The following BACE1 variants were observed in gnomAD, a reference collection of about 807,000 sequenced individuals.
BACE1 encodes APP beta-secretase.
BACE1 carries 21 observed loss-of-function variants against 54.0 expected under a neutral mutation model. That is an observed-to-expected ratio of 0.39 (90% confidence interval 0.28 to 0.56). The LOEUF (loss-of-function observed/expected upper bound fraction) is 0.56. Ranked by LOEUF, BACE1 falls within the 20% of genes least tolerant of loss-of-function variation. The pLI is 0.63. For missense variants in BACE1, 511 were observed against 661.2 expected, an observed-to-expected ratio of 0.77 and a Z score of 2.49; for synonymous variants, 232 against 260.9, an observed-to-expected ratio of 0.89 and a Z score of 1.07.
chr11:117,315,479 C>G lies in BACE1; in HGVS notation c.261+56G>C. The G allele has an allele frequency of 1.9e-6, 3 of 1,546,064 alleles. No homozygotes were observed. Among genetic ancestry groups the G allele is most frequent in the Non-Finnish European group, 2.6e-6 (3 of 1,153,298 alleles). Reference sequence around the variant, plus strand: ...GGGGCTAGCTTGAGGCATCCCCATCCTGTCTCCCCTCTGCTCATGCAGGCG... The same window carrying G: ...GGGGCTAGCTTGAGGCATCCCCATCGTGTCTCCCCTCTGCTCATGCAGGCG... On this transcript the variant is annotated intron_variant, in intron 1 of 8. Transcript: ENST00000313005. This position sits in a 1 kb window ranked among gnomAD's most constrained non-coding sequence, Gnocchi z 5.5.
rs2034333956 is a variant in BACE1 at position 117,288,850 on chromosome 11, C to T, written c.*716G>A. 6.6e-6 allele frequency: 1 copy of T among 152,222 alleles called. No individual in the cohort carries two copies. Among genetic ancestry groups the T allele is most frequent in the Non-Finnish European group, 1.5e-5 (1 of 68,064 alleles). The allele number at this position is 152,222 out of a possible 1,614,324, so 9.4% of individuals were successfully genotyped here. On this transcript the variant is annotated 3_prime_UTR_variant, in exon 9 of 9. Transcript: ENST00000313005. The stretch of plus-strand genomic sequence containing the variant: ...AGAAAAGAAAACATTGAAAACAACA[C>T]CCATCTTCTGAGATGGGATGCTATC...
chr11:117,313,814 G>C (rs1004229620), intron 1 of BACE1, among the ~76,000 whole-genome samples: 18 of 152,170 alleles, frequency 1.2e-4, no homozygotes, highest in African/African-American at 4.3e-4. Flanking sequence ...GGCCAGACAA[G>C]GATAAAGTGA....
intron 2 of BACE1, 32 bp from the exon 3 acceptor site, chr11:117,295,379 A>C (rs916178976): frequency 1.2e-6 from 2 of 1,603,962 alleles, no homozygotes; most frequent in East Asian, 2.2e-5. Context: ...CTGTGGATGC[A>C]TAACCACAAC....
chr11:117,297,200 G>A (rs1001451758), intron 1 of BACE1: 7 of 456,920 alleles, frequency 1.5e-5, no homozygotes, highest in Non-Finnish European at 2.7e-5. Context: ...CAGGTCTGCT[G>A]AAAAACCAAC....
At position 117,289,373 on chromosome 11, in the gene BACE1, T is replaced by C. The variant is rs989422104; in HGVS notation, c.*193A>G. 2 of 859,524 alleles carry C rather than the reference T, an allele frequency of 2.3e-6. No individual in the cohort carries two copies. The highest frequency in any genetic ancestry group is 3.4e-5 in the African/African-American group (2 of 58,868). 53.2% of individuals were successfully genotyped at this position (859,524 alleles called of 1,614,324 possible). On this transcript the variant is annotated 3_prime_UTR_variant, in exon 9 of 9. Transcript: ENST00000313005. The stretch of plus-strand genomic sequence containing the variant: ...GAGTGCTTCTTTCTTCTCTTTTCTG[T>C]TTCCTACAGGTACAGTCCCTGGAAC...
In BACE1 at chr11:117,315,066, A is replaced by T. The variant is rs574600695; in HGVS notation, c.261+469T>A. Among the ~76,000 whole-genome samples the T allele has an allele frequency of 1.3e-5, 2 of 152,256 alleles. No individual in the cohort carries two copies. The highest frequency in any genetic ancestry group is 2.1e-4 in the South Asian group (1 of 4,814). Reference sequence around the variant, plus strand: ...CCCAGATGGTGGGAGCAAGGTGCTTATTCAACTGCTGCCAGGATTCCTTGG... The same window carrying T: ...CCCAGATGGTGGGAGCAAGGTGCTTTTTCAACTGCTGCCAGGATTCCTTGG... On this transcript the variant is annotated intron_variant, in intron 1 of 8. Transcript: ENST00000313005. This position sits in a 1 kb window ranked among gnomAD's most constrained non-coding sequence, Gnocchi z 5.5.
intron 2 of BACE1, among the ~76,000 whole-genome samples, chr11:117,295,824 G>A (rs2034585458): frequency 6.6e-6 from 1 of 152,170 alleles, no homozygotes; most frequent in Admixed American, 6.5e-5. Flanking sequence ...TCTAGAGAAG[G>A]GGTTTGTTCA....
chr11:117,294,610 G>A (rs1003028153), intron 3 of BACE1, among the ~76,000 whole-genome samples: 5 of 151,716 alleles, frequency 3.3e-5, no homozygotes, highest in Non-Finnish European at 5.9e-5. Flanking sequence ...GTGGCTGGTC[G>A]CGGTGGTTCA....
At chr11:117,308,766 T>C (rs1242867857) in intron 1 of BACE1, among the ~76,000 whole-genome samples, 1 of 151,738 alleles carries the variant, frequency 6.6e-6, no homozygotes, top group African/African-American at 2.4e-5. Flanking sequence ...CTGGCCAACA[T>C]GGTGAAACCC....
intron 1 of BACE1, among the ~76,000 whole-genome samples, chr11:117,311,586 C>CA (rs2034944004): frequency 6.6e-6 from 1 of 152,164 alleles, no homozygotes; most frequent in Admixed American, 6.5e-5. Flanking sequence ...GAGGGCCTCA[C>CA]ACCTGGACTG....
At chr11:117,307,011 T>A (rs1272828430) in intron 1 of BACE1, among the ~76,000 whole-genome samples, 1 of 151,782 alleles carries the variant, frequency 6.6e-6, no homozygotes, top group African/African-American at 2.4e-5. Context: ...GACCTAGGAG[T>A]CCCAGCTCCC....
At chr11:117,307,542 C>T (rs1435820075) in intron 1 of BACE1, among the ~76,000 whole-genome samples, 2 of 152,198 alleles carry the variant, frequency 1.3e-5, no homozygotes, top group Non-Finnish European at 2.9e-5. Context: ...GAACTCCTGA[C>T]CTCAGGTGAT....
chr11:117,299,625 C>G, intron 1 of BACE1: 1 of 380,622 alleles, frequency 2.6e-6, no homozygotes, highest in Non-Finnish European at 5.2e-6. Flanking sequence ...TTTCCATTCC[C>G]CTCCCTGCCC....
chr11:117,295,099 G>C (rs2034563581), intron 3 of BACE1, 32 bp downstream of exon 3: 11 of 1,577,906 alleles, frequency 7.0e-6, no homozygotes, highest in South Asian at 2.2e-5. Flanking sequence ...AGTGTGCATA[G>C]AGTGTGTAGG....
At chr11:117,307,569 C>T (rs1287977305) in intron 1 of BACE1, among the ~76,000 whole-genome samples, 3 of 152,220 alleles carry the variant, frequency 2.0e-5, no homozygotes, top group Non-Finnish European at 4.4e-5. Flanking sequence ...GCCTCGGCCT[C>T]CCAAAGTGCT....
chr11:117,313,417 G>T (rs2034999386), intron 1 of BACE1, among the ~76,000 whole-genome samples: 1 of 152,128 alleles, frequency 6.6e-6, no homozygotes, highest in South Asian at 2.1e-4. Flanking sequence ...TACAGCAATG[G>T]ATACCCCGTT....
Position 117,293,260 on chromosome 11 carries a change from T to C in BACE1, c.706-72A>G. On this transcript the variant is annotated intron_variant, in intron 4 of 8. Coordinates refer to ENST00000313005, the MANE Select transcript of BACE1 (RefSeq NM_012104.6). This position sits in a 1 kb window ranked among gnomAD's most constrained non-coding sequence, Gnocchi z 4.1. ...AGTGAGTCCCCCAAGGACCAAGCAA[T>C]AAGATCAGTGATTTCTTGGGGTGGC... 6.5e-7 allele frequency: 1 copy of C among 1,536,818 alleles called. No individual in the cohort carries two copies. Among genetic ancestry groups the C allele is most frequent in the Non-Finnish European group, 8.8e-7 (1 of 1,134,770 alleles).
At chr11:117,307,071 C>T (rs562955139) in intron 1 of BACE1, among the ~76,000 whole-genome samples, 6 of 152,244 alleles carry the variant, frequency 3.9e-5, no homozygotes, top group African/African-American at 1.4e-4. Context: ...CTCCCCAGCA[C>T]AGCCCAGCTC....
At chr11:117,289,945 A>C (rs2034369549) in intron 8 of BACE1, 138 bp from the exon 9 acceptor site, 5 of 786,688 alleles carry the variant, frequency 6.4e-6, no homozygotes, top group Non-Finnish European at 1.0e-5. Flanking sequence ...ATTTAGGAGC[A>C]GGCTGGGAAG....
Sources: allele counts gnomAD v4.1 joint callset (sites outside exome capture counted in the v4.1 genomes callset), GRCh38; gene constraint gnomAD v4.1.1; non-coding constraint Gnocchi (gnomAD v3.1); transcripts MANE v1.5; gene names NCBI Gene and HGNC (gene_info 2026-07-23, HGNC 2026-07-21).